The following ADCY2 variants were observed in gnomAD, a reference collection of about 807,000 sequenced individuals.
ADCY2 encodes adenylate cyclase type 2.
In ADCY2, 31 loss-of-function variants were observed where a neutral mutation model predicts 125.2. That is an observed-to-expected ratio of 0.25 (90% confidence interval 0.19 to 0.33). The LOEUF (loss-of-function observed/expected upper bound fraction) is 0.33. Among genes scored for constraint, ADCY2 ranks in the 10% least tolerant of loss-of-function variants. The pLI, the probability that ADCY2 is intolerant of heterozygous loss-of-function variation, is 1.00. For synonymous variants in ADCY2, 512 were observed against 548.4 expected, an observed-to-expected ratio of 0.93 and a Z score of 0.93; for missense variants, 904 against 1,418.2, an observed-to-expected ratio of 0.64 and a Z score of 5.82.
chr5:7,768,734 AG>A (rs914502444), intron 17 of ADCY2, among the ~76,000 whole-genome samples: 2 of 152,240 alleles, frequency 1.3e-5, no homozygotes, highest in African/African-American at 4.8e-5. Flanking sequence ...CAACCTTTAA[AG>A]ATTCTGAAAA....
At chr5:7,618,549 C>T (rs1168588504) in intron 3 of ADCY2, among the ~76,000 whole-genome samples, 2 of 152,134 alleles carry the variant, frequency 1.3e-5, no homozygotes, top group Non-Finnish European at 2.9e-5. Flanking sequence ...CTCTAATAGC[C>T]TTGGTCATGC....
chr5:7,659,043 A>ACACTG (rs139599651), intron 4 of ADCY2, among the ~76,000 whole-genome samples: 1,733 of 152,278 alleles, frequency 0.011, 34 homozygotes, highest in African/African-American at 0.037. Context: ...ATTTACCATC[A>ACACTG]CACTGAATTT....
intron 4 of ADCY2, among the ~76,000 whole-genome samples, chr5:7,683,338 G>A (rs918499807): frequency 7.2e-5 from 11 of 152,236 alleles, no homozygotes; most frequent in African/African-American, 1.2e-4. Flanking sequence ...CAGGGACGGA[G>A]GACATAGGTT....
rs1340324402 is a variant in ADCY2 at position 7,709,561 on chromosome 5, G to A, written c.1578+174G>A. Among the ~76,000 whole-genome samples the A allele has an allele frequency of 6.6e-6, 1 of 152,210 alleles. No homozygotes were observed. Among genetic ancestry groups the A allele is most frequent in the Non-Finnish European group, 1.5e-5 (1 of 68,046 alleles). ...CCATCAGGGTATGAGTGAGCTCCAT[G>A]CTGACATTGCTAAGGGTTCCACCCT... On this transcript the variant is annotated intron_variant, in intron 10 of 24. Coordinates refer to ENST00000338316, the MANE Select transcript of ADCY2 (RefSeq NM_020546.3). The surrounding 1 kb of genome is among the most constrained non-coding windows in gnomAD (Gnocchi z 4.4).
intron 18 of ADCY2, among the ~76,000 whole-genome samples, chr5:7,775,175 T>TTGTGTGTGTGTGTGTG (rs200142910): frequency 2.7e-5 from 4 of 146,154 alleles, no homozygotes; most frequent in African/African-American, 1.0e-4. Context: ...CCCAGCTACT[T>TTGTGTGTGTGTGTGTG]TGTGTGTGTG....
chr5:7,397,760 T>A (rs1739117766), intron 1 of ADCY2, among the ~76,000 whole-genome samples: 1 of 152,080 alleles, frequency 6.6e-6, no homozygotes, highest in Admixed American at 6.5e-5. Flanking sequence ...TTGAGTTCAA[T>A]GAGGTAAGAA....
intron 1 of ADCY2, among the ~76,000 whole-genome samples, chr5:7,399,990 C>T (rs1739204378): frequency 6.6e-6 from 1 of 151,718 alleles, no homozygotes; most frequent in African/African-American, 2.4e-5. Flanking sequence ...GTTTTTATTA[C>T]TGAATGCATG....
At chr5:7,567,904 A>C (rs930458091) in intron 3 of ADCY2, among the ~76,000 whole-genome samples, 1 of 150,294 alleles carries the variant, frequency 6.7e-6, no homozygotes, top group Non-Finnish European at 1.5e-5. Flanking sequence ...GCTGAGATGC[A>C]ACAAAGTGCT....
At chr5:7,467,466 G>A (rs934524653) in intron 2 of ADCY2, among the ~76,000 whole-genome samples, 9 of 152,158 alleles carry the variant, frequency 5.9e-5, no homozygotes, top group African/African-American at 2.2e-4. Flanking sequence ...ACCATGGACC[G>A]GCGGGCCATT....
At chr5:7,819,123 C>T (rs1006802323) in intron 23 of ADCY2, among the ~76,000 whole-genome samples, 3 of 152,128 alleles carry the variant, frequency 2.0e-5, no homozygotes, top group Admixed American at 2.0e-4. Flanking sequence ...TCTCCACGTT[C>T]TTCTGCCTGC....
At chr5:7,625,914 A>G (rs1009756794) in intron 3 of ADCY2, among the ~76,000 whole-genome samples, 1 of 152,282 alleles carries the variant, frequency 6.6e-6, no homozygotes, top group East Asian at 1.9e-4. Flanking sequence ...AGCAGATCTC[A>G]TGGCTAAGCC....
chr5:7,438,104 A>G (rs180702880), intron 2 of ADCY2, among the ~76,000 whole-genome samples: 1 of 152,334 alleles, frequency 6.6e-6, no homozygotes, highest in Non-Finnish European at 1.5e-5. Context: ...GGCTAGAGGC[A>G]TTTCTTACAT....
intron 4 of ADCY2, among the ~76,000 whole-genome samples, chr5:7,628,368 C>T (rs1738201770): frequency 6.6e-6 from 1 of 152,126 alleles, no homozygotes; most frequent in South Asian, 2.1e-4. Context: ...TTGATAAAAG[C>T]AGTTTCAGGT....
At chr5:7,675,134 G>A (rs1262448390) in intron 4 of ADCY2, among the ~76,000 whole-genome samples, 1 of 151,080 alleles carries the variant, frequency 6.6e-6, no homozygotes, top group Non-Finnish European at 1.5e-5. Flanking sequence ...GTCCGGCCTG[G>A]GTGAAAGAGT....
intron 3 of ADCY2, among the ~76,000 whole-genome samples, chr5:7,546,841 CCTT>C (rs1171899479): frequency 2.0e-5 from 3 of 152,178 alleles, no homozygotes; most frequent in African/African-American, 4.8e-5. Context: ...TTTCCTGGCT[CCTT>C]CTTCTTCCTT....
At chr5:7,485,133 C>A (rs1173004615) in intron 2 of ADCY2, among the ~76,000 whole-genome samples, 2 of 152,134 alleles carry the variant, frequency 1.3e-5, no homozygotes, top group African/African-American at 4.8e-5. Context: ...AATTATCAGC[C>A]CTCTTTATAC....
intron 11 of ADCY2, among the ~76,000 whole-genome samples, chr5:7,716,525 A>T (rs1039150068): frequency 1.3e-5 from 2 of 152,246 alleles, no homozygotes; most frequent in Admixed American, 1.3e-4. Context: ...AGTAAATTTC[A>T]CAGTGAGTGA....
chr5:7,606,245 G>A (rs1380619444), intron 3 of ADCY2, among the ~76,000 whole-genome samples: 1 of 152,042 alleles, frequency 6.6e-6, no homozygotes, highest in Non-Finnish European at 1.5e-5. Context: ...GTTTTACTTC[G>A]ATAAAAATGT....
intron 2 of ADCY2, among the ~76,000 whole-genome samples, chr5:7,458,778 C>T (rs1420975749): frequency 6.6e-6 from 1 of 151,994 alleles, no homozygotes; most frequent in African/African-American, 2.4e-5. Flanking sequence ...CGATAGTACA[C>T]AAAACAAAGA....
Sources: allele counts gnomAD v4.1 joint callset (sites outside exome capture counted in the v4.1 genomes callset), GRCh38; gene constraint gnomAD v4.1.1; non-coding constraint Gnocchi (gnomAD v3.1); transcripts MANE v1.5; gene names NCBI Gene and HGNC (gene_info 2026-07-23, HGNC 2026-07-21).